Variants in ASIC2 observed in about 807,000 individuals in gnomAD.
The protein encoded by ASIC2 is acid sensing ion channel subunit 2, also known as acid-sensing ion channel 2.
ASIC2 carries 25 observed loss-of-function variants against 57.3 expected under a neutral mutation model. The observed-to-expected ratio is 0.44, with a 90% confidence interval of 0.32 to 0.61. The LOEUF (loss-of-function observed/expected upper bound fraction) is 0.61, where lower values mean the gene tolerates loss of function less well. Among genes scored for constraint, ASIC2 ranks in the 20% least tolerant of loss-of-function variants. The pLI is 0.06. For missense variants in ASIC2, 641 were observed against 738.1 expected (o/e 0.87, Z 1.52); for synonymous variants, 319 against 307.5 (o/e 1.04, Z -0.39).
chr17:33,608,405 G>C (rs1396917120), intron 1 of ASIC2, among the ~76,000 whole-genome samples: 1 of 152,132 alleles, frequency 6.6e-6, no homozygotes, highest in Non-Finnish European at 1.5e-5. Context: ...TGTTGGAAGA[G>C]ACTCATATAT....
chr17:33,925,135 G>A (rs1915797797), intron 1 of ASIC2, among the ~76,000 whole-genome samples: 1 of 152,242 alleles, frequency 6.6e-6, no homozygotes, highest in Non-Finnish European at 1.5e-5. Flanking sequence ...GCAGAGAAAG[G>A]GTTGAAGGCA....
intron 1 of ASIC2, among the ~76,000 whole-genome samples, chr17:33,340,498 C>T (rs1286994851): frequency 6.6e-6 from 1 of 151,576 alleles, no homozygotes; most frequent in Non-Finnish European, 1.5e-5. Context: ...ATGCTCTTTC[C>T]TATCGTTTTT....
At chr17:33,059,248 T>C (rs924599192) in intron 3 of ASIC2, among the ~76,000 whole-genome samples, 10 of 152,184 alleles carry the variant, frequency 6.6e-5, no homozygotes, top group Admixed American at 1.3e-4. Flanking sequence ...CATGTTGGTG[T>C]GCTGCACCCA....
intron 1 of ASIC2, among the ~76,000 whole-genome samples, chr17:33,668,392 G>A (rs543072131): frequency 2.8e-5 from 4 of 143,576 alleles, no homozygotes; most frequent in South Asian, 4.4e-4. Flanking sequence ...ATCCATGCTT[G>A]CCTTTTCCAG....
At chr17:34,036,140 A>G (rs1907866709) in intron 1 of ASIC2, among the ~76,000 whole-genome samples, 1 of 152,128 alleles carries the variant, frequency 6.6e-6, no homozygotes, top group African/African-American at 2.4e-5. Context: ...CAACAACGAT[A>G]GACTGGATTA....
intron 1 of ASIC2, among the ~76,000 whole-genome samples, chr17:33,836,116 C>CTTTTTTT (rs747425378): frequency 5.2e-5 from 6 of 116,366 alleles, no homozygotes; most frequent in Non-Finnish European, 6.8e-5. Flanking sequence ...CCTCATACAG[C>CTTTTTTT]TTTTTTTTTT....
At chr17:34,121,051 C>T (rs1028389842) in intron 1 of ASIC2, among the ~76,000 whole-genome samples, 2 of 151,930 alleles carry the variant, frequency 1.3e-5, no homozygotes, top group East Asian at 1.9e-4. Context: ...GTACTGGTGT[C>T]CTCCTAATAA....
rs555848016 is a variant in ASIC2, at chr17:33,452,097, G to A, written c.556-340030C>T. 2.0e-5 allele frequency among the ~76,000 whole-genome samples: 3 copies of A among 152,340 alleles called. No individual in the cohort carries two copies. In the South Asian group the frequency reaches 6.2e-4, roughly 32 times the overall value. On this transcript the variant is annotated intron_variant, in intron 1 of 9. Transcript: ENST00000359872. ...TGAAAACTTGGAATACCAAGTTAGA[G>A]CTGCATGTAAATTAAAAGCAAAAAA...
chr17:33,587,362 A>T (rs1044655651), intron 1 of ASIC2, among the ~76,000 whole-genome samples: 1 of 152,294 alleles, frequency 6.6e-6, no homozygotes, highest in East Asian at 1.9e-4. Flanking sequence ...TGGCTCAGTG[A>T]TGTCATTCAG....
At position 33,158,251 on chromosome 17, in the gene ASIC2, C is replaced by T. The variant is rs145569768; in HGVS notation, c.709-46184G>A. ...CCCAGGTGCCTTGTACAATGCCTAGCGCATAGGAGGTGCTCAGCAATACTT... is the reference window on the plus strand; with the variant it reads ...CCCAGGTGCCTTGTACAATGCCTAGTGCATAGGAGGTGCTCAGCAATACTT... On this transcript the variant is annotated intron_variant, in intron 1 of 9. Transcript: ENST00000225823. 9.2e-3 allele frequency among the ~76,000 whole-genome samples: 1,406 copies of T among 152,092 alleles called. 17 individuals are homozygous for T. The highest frequency in any genetic ancestry group is 0.032 in the African/African-American group (1,310 of 41,440).
At chr17:33,782,831 A>G (rs1911495642) in intron 1 of ASIC2, among the ~76,000 whole-genome samples, 1 of 152,138 alleles carries the variant, frequency 6.6e-6, no homozygotes, top group South Asian at 2.1e-4. Flanking sequence ...AGAACATCCA[A>G]ACAAGCCTAT....
chr17:33,715,411 T>G (rs1422860910), intron 1 of ASIC2, among the ~76,000 whole-genome samples: 1 of 152,188 alleles, frequency 6.6e-6, no homozygotes, highest in Non-Finnish European at 1.5e-5. Context: ...TCACCACTTG[T>G]GTGCCCATGG....
intron 1 of ASIC2, among the ~76,000 whole-genome samples, chr17:33,460,783 C>T (rs1912609980): frequency 6.6e-6 from 1 of 152,160 alleles, no homozygotes; most frequent in African/African-American, 2.4e-5. Flanking sequence ...AACTGAGCCA[C>T]AGAGAGATTA....
chr17:33,663,386 A>G (rs1907357796), intron 1 of ASIC2, among the ~76,000 whole-genome samples: 1 of 152,024 alleles, frequency 6.6e-6, no homozygotes, highest in Admixed American at 6.6e-5. Flanking sequence ...TGGATCCTAA[A>G]ATGTTTACCT....
chr17:33,714,806 CTTTT>C (rs11323251), intron 1 of ASIC2, among the ~76,000 whole-genome samples: 2 of 124,106 alleles, frequency 1.6e-5, no homozygotes, highest in Non-Finnish European at 1.7e-5. Flanking sequence ...ATTCTGTGAC[CTTTT>C]TTTTTTTTTT....
At chr17:33,706,219 A>G (rs947449044) in intron 1 of ASIC2, among the ~76,000 whole-genome samples, 2 of 148,858 alleles carry the variant, frequency 1.3e-5, no homozygotes, top group African/African-American at 4.9e-5. Context: ...ATATATATAT[A>G]TATATATATA....
chr17:33,597,913 C>G (rs1029436573), intron 1 of ASIC2, among the ~76,000 whole-genome samples: 1 of 152,150 alleles, frequency 6.6e-6, no homozygotes, highest in Non-Finnish European at 1.5e-5. Context: ...TTTTCTTTCC[C>G]AAAATTCAAT....
intron 1 of ASIC2, among the ~76,000 whole-genome samples, chr17:33,751,887 G>C (rs1910445651): frequency 6.7e-6 from 1 of 149,108 alleles, no homozygotes; most frequent in Non-Finnish European, 1.5e-5. Flanking sequence ...GAGGCTGGGA[G>C]GGAATGCTAG....
chr17:33,458,690 T>C (rs1314938511), intron 1 of ASIC2, among the ~76,000 whole-genome samples: 1 of 152,186 alleles, frequency 6.6e-6, no homozygotes, highest in Non-Finnish European at 1.5e-5. Context: ...TGGTCATGGT[T>C]CAAGTACTGG....
Sources: allele counts gnomAD v4.1 joint callset (sites outside exome capture counted in the v4.1 genomes callset), GRCh38; gene constraint gnomAD v4.1.1; transcripts MANE v1.5; gene names NCBI Gene and HGNC (gene_info 2026-07-23, HGNC 2026-07-21).